Variants in NBPF11 observed in about 807,000 individuals in gnomAD.
The protein encoded by NBPF11 is NBPF family member NBPF11.
A neutral mutation model predicts 93.9 loss-of-function variants in NBPF11; 72 were observed. The ratio of observed to expected loss-of-function variants is 0.77; its 90% CI spans 0.63 to 0.93. The LOEUF is 0.93. Among genes scored for constraint, NBPF11 ranks in the 40% least tolerant of loss-of-function variants. The pLI, the probability that NBPF11 is intolerant of heterozygous loss-of-function variation, is 0.00. For missense variants in NBPF11, 705 were observed against 802.2 expected (o/e 0.88, Z 1.46); for synonymous variants, 224 against 304.9 (o/e 0.73, Z 2.76).
intron 21 of NBPF11, among the ~76,000 whole-genome samples, 161 bp downstream of exon 21, chr1:148,106,020 C>G (rs1204186955): frequency 2.1e-5 from 3 of 141,520 alleles, no homozygotes; most frequent in African/African-American, 5.5e-5. Flanking sequence ...GAAATGGAAA[C>G]CTAAATATCT....
chr1:148,146,578 G>C, intron 1 of NBPF11: 1 of 1,607,368 alleles, frequency 6.2e-7, no homozygotes, highest in Non-Finnish European at 8.5e-7. Context: ...CTCCTCGGGC[G>C]CACCCGGGCG....
chr1:148,138,297 A>G (rs1316429494), intron 2 of NBPF11, among the ~76,000 whole-genome samples: 1 of 150,454 alleles, frequency 6.6e-6, no homozygotes, highest in Non-Finnish European at 1.5e-5. Flanking sequence ...TTGCCCAGGG[A>G]TGAGCAGGAG....
rs1379641572 is a variant in NBPF11 at position 148,103,610 on chromosome 1, T to G, written c.*286A>C. Reference sequence around the variant, plus strand: ...ATGGAACTATAGTTTCATTCAAATCTTCAGGTGCCTATAGGTCCTGCCTGC... The same window carrying G: ...ATGGAACTATAGTTTCATTCAAATCGTCAGGTGCCTATAGGTCCTGCCTGC... On this transcript the variant is annotated 3_prime_UTR_variant, in exon 24 of 24. Coordinates refer to ENST00000682118, the MANE Select transcript of NBPF11 (RefSeq NM_001385469.3). 3.1e-6 allele frequency: 5 copies of G among 1,610,070 alleles called. No individual in the cohort carries two copies. In the East Asian group the frequency reaches 8.9e-5, roughly 29 times the overall value.
rs1252748190 is a variant in NBPF11, at chr1:148,122,645, C to G, written c.566+84G>C. Reference sequence around the variant, plus strand: ...GCCAAGGGAATGCGGGCTTTTGGCCCATCATAGATGCCAGAGAGGGCGTGC... The same window carrying G: ...GCCAAGGGAATGCGGGCTTTTGGCCGATCATAGATGCCAGAGAGGGCGTGC... On this transcript the variant is annotated intron_variant, in intron 8 of 23. Coordinates refer to ENST00000682118, the MANE Select transcript of NBPF11 (RefSeq NM_001385469.3). 35 of 1,576,196 alleles carry G rather than the reference C, an allele frequency of 2.2e-5. No homozygotes were observed. The East Asian group carries it at 5.6e-4, about 25-fold the overall frequency.
intron 12 of NBPF11, among the ~76,000 whole-genome samples, chr1:148,116,926 C>A (rs1666699618): frequency 6.6e-6 from 1 of 152,226 alleles, no homozygotes; most frequent in Non-Finnish European, 1.5e-5. Context: ...ACTTGTCCCA[C>A]AGTCCTCTAT....
chr1:148,115,484 T>C (rs1666288392), intron 14 of NBPF11, among the ~76,000 whole-genome samples: 1 of 151,066 alleles, frequency 6.6e-6, no homozygotes, highest in East Asian at 1.9e-4. Context: ...CAGGGACAGA[T>C]GACTAAATCA....
At chr1:148,108,755 A>T (rs1216478735) in intron 17 of NBPF11, 101 bp from the exon 18 acceptor site, 1 of 767,586 alleles carries the variant, frequency 1.3e-6, no homozygotes, top group African/African-American at 1.8e-5. Flanking sequence ...TTTGAAAAGA[A>T]AAAGGACAGA....
chr1:148,146,953 G>C (rs1451088610), intron 1 of NBPF11: 14 of 1,571,126 alleles, frequency 8.9e-6, no homozygotes, highest in Non-Finnish European at 1.2e-5. Flanking sequence ...GCTCAGCCTG[G>C]GCACACCCAA....
chr1:148,108,788 A>G, intron 17 of NBPF11, 134 bp from the exon 18 acceptor site: 1 of 681,012 alleles, frequency 1.5e-6, no homozygotes, highest in Non-Finnish European at 2.7e-6. Flanking sequence ...GTAACAAATT[A>G]TTGCCTTTAT....
chr1:148,122,408 G>A lies in NBPF11; in HGVS notation c.567-142C>T. On this transcript the variant is annotated intron_variant, in intron 8 of 23. Transcript: ENST00000682118. ...GGAGGTTCCCTTTAAGAGGGAACAG[G>A]CAATCCTCTTCTCTCTGCAACAGAG... 4.3e-6 allele frequency: 6 copies of A among 1,401,370 alleles called. No homozygotes were observed. The South Asian group carries it at 7.0e-5, about 16-fold the overall frequency. 86.8% of individuals were successfully genotyped at this position (1,401,370 alleles called of 1,614,324 possible).
At chr1:148,131,160 GAA>G (rs60473932) in intron 4 of NBPF11, among the ~76,000 whole-genome samples, 2 of 117,144 alleles carry the variant, frequency 1.7e-5, no homozygotes, top group Admixed American at 8.8e-5. Flanking sequence ...ATATTAAGAG[GAA>G]AAAAAAAAAA....
intron 1 of NBPF11, among the ~76,000 whole-genome samples, chr1:148,145,614 C>G (rs1233212104): frequency 6.6e-6 from 1 of 151,618 alleles, no homozygotes; most frequent in Non-Finnish European, 1.5e-5. Flanking sequence ...GGTGCGGTAG[C>G]TCATGCCTAT....
intron 10 of NBPF11, among the ~76,000 whole-genome samples, chr1:148,119,643 A>G (rs1222927002): frequency 3.3e-5 from 5 of 151,850 alleles, no homozygotes; most frequent in African/African-American, 1.2e-4. Flanking sequence ...TCTGCTTTTT[A>G]TTCTTATTTT....
chr1:148,110,310 C>A, intron 16 of NBPF11, 68 bp downstream of exon 16: 1 of 1,556,214 alleles, frequency 6.4e-7, no homozygotes, highest in Non-Finnish European at 8.8e-7. Context: ...GGGCACAAGG[C>A]CCAAAGATTA....
chr1:148,103,804 C>G lies in NBPF11; in HGVS notation c.*92G>C, dbSNP rs1239427707. ...ATGAGTAAAACACACTTCTGTAGTG[C>G]TGGAATGAGTCAGGTAGTTCAAAGT... On this transcript the variant is annotated 3_prime_UTR_variant, in exon 24 of 24. Coordinates refer to ENST00000682118, the MANE Select transcript of NBPF11 (RefSeq NM_001385469.3). The G allele has an allele frequency of 2.9e-4, 470 of 1,611,854 alleles. 2 individuals are homozygous for G. Among genetic ancestry groups the G allele is most frequent in the Admixed American group, 2.2e-4 (13 of 60,016 alleles).
At chr1:148,151,699 GC>G (rs1328361251) in intron 1 of NBPF11, 50 bp downstream of exon 1, 2 of 152,422 alleles carry the variant, frequency 1.3e-5, no homozygotes, top group East Asian at 3.9e-4. Context: ...CCAGCTGTGA[GC>G]CCGCAGGTCC....
At chr1:148,147,208 T>A (rs1673297335) in intron 1 of NBPF11, among the ~76,000 whole-genome samples, 1 of 151,880 alleles carries the variant, frequency 6.6e-6, no homozygotes, top group Admixed American at 6.5e-5. Context: ...GTCACAGGGG[T>A]GTGGATGCCA....
At chr1:148,141,752 A>C (rs1672203040) in intron 2 of NBPF11, among the ~76,000 whole-genome samples, 1 of 151,764 alleles carries the variant, frequency 6.6e-6, no homozygotes, top group African/African-American at 2.4e-5. Flanking sequence ...GATGACTAGG[A>C]ACCACTGAGA....
chr1:148,125,164 C>G (rs1325443056), intron 5 of NBPF11, among the ~76,000 whole-genome samples, 163 bp from the exon 6 acceptor site: 1 of 152,034 alleles, frequency 6.6e-6, no homozygotes, highest in Non-Finnish European at 1.5e-5. Flanking sequence ...TTCTGACTTT[C>G]TGGCATCTGA....
Sources: allele counts gnomAD v4.1 joint callset (sites outside exome capture counted in the v4.1 genomes callset), GRCh38; gene constraint gnomAD v4.1.1; transcripts MANE v1.5; gene names NCBI Gene and HGNC (gene_info 2026-07-23, HGNC 2026-07-21).